Variants in MKRN1 observed in about 807,000 individuals in gnomAD.
MKRN1 encodes E3 ubiquitin-protein ligase makorin-1.
Under a neutral mutation model 55.5 loss-of-function variants are expected in MKRN1, and 9 were observed. The ratio of observed to expected loss-of-function variants is 0.16; its 90% confidence interval spans 0.10 to 0.28. The LOEUF is 0.28. Among genes scored for constraint, MKRN1 ranks in the 10% least tolerant of loss-of-function variants. The pLI, the probability that MKRN1 is intolerant of heterozygous loss-of-function variation, is 1.00. For missense variants in MKRN1, 488 were observed against 626.7 expected (o/e 0.78, Z 2.36); for synonymous variants, 253 against 235.9 (o/e 1.07, Z -0.66).
chr7:140,477,039 G>C (rs1319796953), intron 1 of MKRN1, among the ~76,000 whole-genome samples: 1 of 150,208 alleles, frequency 6.7e-6, no homozygotes, highest in Non-Finnish European at 1.5e-5. Context: ...CGGGGGTTGT[G>C]GTAAGTAGAG....
At chr7:140,470,117 A>T (rs547470611) in intron 2 of MKRN1, among the ~76,000 whole-genome samples, 48 of 150,358 alleles carry the variant, frequency 3.2e-4, no homozygotes, top group African/African-American at 1.2e-3. Context: ...GCTACTCTGG[A>T]GGCCAAGGCA....
intron 1 of MKRN1, chr7:140,478,372 A>T (rs1795185065): frequency 6.6e-6 from 1 of 152,094 alleles, no homozygotes; most frequent in Non-Finnish European, 1.5e-5. Flanking sequence ...TCAAACCAAA[A>T]CCAAACCTCT....
chr7:140,479,365 A>G lies in MKRN1; in HGVS notation c.-21T>C. ...GCCATTACTGTTTATCCCACACAGC[A>G]AAGGCCCCGGAACTTCCGGGATCAC... On this transcript the variant is annotated 5_prime_UTR_variant, in exon 1 of 8. Transcript: ENST00000255977. 7.8e-7 allele frequency: 1 copy of G among 1,282,198 alleles called. No homozygotes were observed. The allele number at this position is 1,282,198 out of a possible 1,614,324, so 79.4% of individuals were successfully genotyped here.
chr7:140,467,184 G>A (rs182554681), intron 2 of MKRN1, among the ~76,000 whole-genome samples: 1 of 152,142 alleles, frequency 6.6e-6, no homozygotes, highest in Admixed American at 6.6e-5. Context: ...CCACAGGTCA[G>A]GCTGATATCA....
At chr7:140,473,050 C>T (rs1794981489) in intron 1 of MKRN1, among the ~76,000 whole-genome samples, 1 of 151,168 alleles carries the variant, frequency 6.6e-6, no homozygotes, top group South Asian at 2.1e-4. Context: ...GAGATCGTGC[C>T]ATTGAGCCAC....
intron 4 of MKRN1, among the ~76,000 whole-genome samples, chr7:140,458,453 G>T (rs975577724): frequency 6.6e-6 from 1 of 152,158 alleles, no homozygotes; most frequent in Non-Finnish European, 1.5e-5. Flanking sequence ...TCCACAATAG[G>T]CCAATCCAGA....
chr7:140,469,438 C>T (rs920724929), intron 2 of MKRN1, among the ~76,000 whole-genome samples: 5 of 152,188 alleles, frequency 3.3e-5, no homozygotes, highest in African/African-American at 1.2e-4. Context: ...GCCCAATCCT[C>T]TCCCTTTACA....
chr7:140,459,373 G>C (rs1334196471), intron 3 of MKRN1, 140 bp from the exon 4 acceptor site: 1 of 870,928 alleles, frequency 1.1e-6, no homozygotes, highest in Non-Finnish European at 1.7e-6. Context: ...TTCTTCACTT[G>C]AAAGAAAGGA....
intron 1 of MKRN1, 33 bp downstream of exon 1, chr7:140,479,127 C>T (rs747526366): frequency 1.5e-4 from 200 of 1,299,126 alleles, no homozygotes; most frequent in Non-Finnish European, 9.6e-5. Context: ...GGCCCCCTCC[C>T]CGCGCCCGGC....
At chr7:140,478,378 C>CCT (rs996353845) in intron 1 of MKRN1, 2 of 152,264 alleles carry the variant, frequency 1.3e-5, no homozygotes, top group South Asian at 4.1e-4. Flanking sequence ...CAAAACCAAA[C>CCT]CTCTCTCTCT....
At chr7:140,464,428 G>A (rs1304763432) in intron 2 of MKRN1, among the ~76,000 whole-genome samples, 1 of 151,618 alleles carries the variant, frequency 6.6e-6, no homozygotes. Flanking sequence ...AATAAGCCAG[G>A]CACGGTGGCT....
chr7:140,479,207 G>A lies in MKRN1; in HGVS notation c.138C>T (p.Gly46=), dbSNP rs1279039287. ...AGCCGCCGCCGCTGCCGTCGCTGCC[G>A]CCGCCCCCTCCGCCCGCCCCCAGGG... ...APSLGAGGGG[G]GSDGSGGGWT... is the part of the protein sequence containing the mutation. The change falls in exon 1 of 8, where the codon GGC becomes GGT. Residue 46 remains glycine (G), a synonymous_variant. Transcript: ENST00000255977. 14 of 1,464,730 alleles carry A rather than the reference G, an allele frequency of 9.6e-6. No homozygotes were observed. Among genetic ancestry groups the A allele is most frequent in the Admixed American group, 7.8e-5 (3 of 38,392 alleles). The allele number at this position is 1,464,730 out of a possible 1,614,324, so 90.7% of individuals were successfully genotyped here.
chr7:140,456,113 C>CTTTT, intron 5 of MKRN1: 6 of 845,196 alleles, frequency 7.1e-6, no homozygotes, highest in Non-Finnish European at 7.6e-6. Flanking sequence ...CTAGCCAGTT[C>CTTTT]TTTTTTTTTT....
chr7:140,472,328 G>A (rs1794952797), intron 1 of MKRN1: 3 of 282,770 alleles, frequency 1.1e-5, no homozygotes, highest in Admixed American at 4.8e-5. Context: ...AGCTACTCAG[G>A]AGGCTGAGGC....
chr7:140,475,650 C>G (rs897481390), intron 1 of MKRN1, among the ~76,000 whole-genome samples: 1 of 151,928 alleles, frequency 6.6e-6, no homozygotes, highest in East Asian at 1.9e-4. Flanking sequence ...GGGGACAGAG[C>G]GAGACCCTAT....
At chr7:140,478,988 T>G in intron 1 of MKRN1, 172 bp downstream of exon 1, 1 of 801,964 alleles carries the variant, frequency 1.2e-6, no homozygotes, top group Non-Finnish European at 1.7e-6. Context: ...ACGCAGTGAC[T>G]GGGGGAACGC....
intron 1 of MKRN1, among the ~76,000 whole-genome samples, chr7:140,472,845 T>C (rs1277007668): frequency 6.6e-6 from 1 of 151,222 alleles, no homozygotes; most frequent in Admixed American, 6.6e-5. Flanking sequence ...GGGCCAGGCG[T>C]GGTGGCCCAC....
chr7:140,476,984 G>A (rs1007979238), intron 1 of MKRN1, among the ~76,000 whole-genome samples: 4 of 151,548 alleles, frequency 2.6e-5, no homozygotes, highest in African/African-American at 7.3e-5. Flanking sequence ...TAAGGCATCT[G>A]TAATGCCAGA....
At chr7:140,463,309 A>G (rs1297673216) in intron 2 of MKRN1, among the ~76,000 whole-genome samples, 6 of 152,188 alleles carry the variant, frequency 3.9e-5, no homozygotes, top group Admixed American at 3.9e-4. Flanking sequence ...CATTTTAGAG[A>G]TGACCTCACT....
Sources: gnomAD v4.1 joint callset for allele counts (sites outside exome capture counted in the v4.1 genomes callset) on GRCh38, gnomAD v4.1.1 for gene constraint, MANE v1.5 for transcripts, NCBI Gene and HGNC (gene_info 2026-07-23, HGNC 2026-07-21) for gene names.